The following GALNTL6 variants were observed in gnomAD, a reference collection of about 807,000 sequenced individuals.
GALNTL6 encodes polypeptide N-acetylgalactosaminyltransferase like 6.
GALNTL6 carries 46 observed loss-of-function variants against 73.7 expected under a neutral mutation model. That is an observed-to-expected ratio of 0.62 (90% confidence interval 0.49 to 0.80). GALNTL6 has a LOEUF of 0.80. GALNTL6 is among the 30% of genes least tolerant of loss of function. The probability of loss-of-function intolerance (pLI) is 0.00; values close to 1 mark genes in which losing one functional copy is unlikely to be tolerated. For missense variants in GALNTL6, 604 were observed against 755.0 expected, an observed-to-expected ratio of 0.80 and a Z score of 2.34; for synonymous variants, 259 against 263.7, an observed-to-expected ratio of 0.98 and a Z score of 0.17.
At chr4:172,849,136 A>G (rs1680649483) in intron 7 of GALNTL6, among the ~76,000 whole-genome samples, 1 of 152,122 alleles carries the variant, frequency 6.6e-6, no homozygotes, top group Non-Finnish European at 1.5e-5. Context: ...ATCTTAGTTT[A>G]TGTTATTTTA....
chr4:172,126,924 A>G (rs1455359263), intron 2 of GALNTL6, among the ~76,000 whole-genome samples: 1 of 152,160 alleles, frequency 6.6e-6, no homozygotes, highest in Admixed American at 6.5e-5. Context: ...GCCGTTGGCA[A>G]TGACCCCGCT....
At position 172,996,465 on chromosome 4, in the gene GALNTL6, T is replaced by C. The variant is rs142285452; in HGVS notation, c.1372-12713T>C. Among the ~76,000 whole-genome samples the C allele has an allele frequency of 4.7e-4, 71 of 152,152 alleles. No individual in the cohort carries two copies. In the East Asian group the frequency reaches 0.011, roughly 23 times the overall value. The stretch of plus-strand genomic sequence containing the variant: ...TAGGCTTGGTATCTGGGTGACAAAA[T>C]AATCTGTACAACAAACCCCCATGAC... On this transcript the variant is annotated intron_variant, in intron 10 of 12. Coordinates refer to ENST00000506823, the MANE Select transcript of GALNTL6 (RefSeq NM_001034845.3).
In GALNTL6 at chr4:171,959,513, T is replaced by A. The variant is rs547602373; in HGVS notation, c.138+144795T>A. 6.6e-5 allele frequency among the ~76,000 whole-genome samples: 10 copies of A among 152,188 alleles called. No homozygotes were observed. In the East Asian group the frequency reaches 1.9e-3, roughly 29 times the overall value. On this transcript the variant is annotated intron_variant, in intron 2 of 12. Transcript: ENST00000506823. ...ATATAACTTCTCTGCAGAATAAATA[T>A]TTTTAGGGGCGCTGGGGTGTCTTCT...
At chr4:171,912,633 T>C (rs1256211146) in intron 2 of GALNTL6, among the ~76,000 whole-genome samples, 1 of 152,174 alleles carries the variant, frequency 6.6e-6, no homozygotes, top group Non-Finnish European at 1.5e-5. Flanking sequence ...TGCTATATTA[T>C]TGAATACTAG....
chr4:172,788,588 C>G (rs540197311), intron 5 of GALNTL6, among the ~76,000 whole-genome samples: 1 of 148,670 alleles, frequency 6.7e-6, no homozygotes, highest in African/African-American at 2.5e-5. Flanking sequence ...AGGAGAATGC[C>G]GTGAAACCGG....
rs955649310 is a variant in GALNTL6, at chr4:172,527,579, G to A, written c.553+178890G>A. 2.0e-5 allele frequency among the ~76,000 whole-genome samples: 3 copies of A among 152,128 alleles called. No individual in the cohort carries two copies. The East Asian group carries it at 5.8e-4, about 29-fold the overall frequency. On this transcript the variant is annotated intron_variant, in intron 5 of 12. Transcript: ENST00000506823. ...AGGATGGATTGTCTATGCAGTGTCT[G>A]CCAACACATTATACCACTTTGCATA...
intron 5 of GALNTL6, among the ~76,000 whole-genome samples, chr4:172,619,167 TG>T (rs1738858268): frequency 6.6e-6 from 1 of 152,126 alleles, no homozygotes; most frequent in African/African-American, 2.4e-5. Context: ...AGACATAAAT[TG>T]GGGCCAAATT....
At chr4:172,743,391 CAA>C (rs35614387) in intron 5 of GALNTL6, among the ~76,000 whole-genome samples, 54,421 of 151,728 alleles carry the variant, frequency 0.36, 10,785 homozygotes, top group African/African-American at 0.52. Context: ...CTCAAAAATC[CAA>C]AGAGGTTCAC....
intron 2 of GALNTL6, among the ~76,000 whole-genome samples, chr4:172,018,445 G>A (rs1191535038): frequency 6.6e-6 from 1 of 152,048 alleles, no homozygotes; most frequent in African/African-American, 2.4e-5. Flanking sequence ...CCAGAGGGGA[G>A]TATGGCTGCC....
intron 3 of GALNTL6, among the ~76,000 whole-genome samples, chr4:172,282,707 G>A (rs1458624579): frequency 1.3e-5 from 2 of 149,902 alleles, no homozygotes; most frequent in Non-Finnish European, 3.0e-5. Flanking sequence ...GTAGGATTAT[G>A]TTAGAAATCA....
intron 5 of GALNTL6, among the ~76,000 whole-genome samples, chr4:172,400,053 C>T (rs980252362): frequency 1.3e-5 from 2 of 152,132 alleles, no homozygotes; most frequent in South Asian, 2.1e-4. Context: ...CACCCTTACA[C>T]CAGATTTTTC....
chr4:171,926,215 T>C (rs1238716905), intron 2 of GALNTL6, among the ~76,000 whole-genome samples: 2 of 152,176 alleles, frequency 1.3e-5, no homozygotes, highest in Non-Finnish European at 2.9e-5. Context: ...TCAAACATAC[T>C]TATTTCATCA....
At chr4:172,411,709 C>T (rs1744443457) in intron 5 of GALNTL6, among the ~76,000 whole-genome samples, 1 of 151,776 alleles carries the variant, frequency 6.6e-6, no homozygotes, top group South Asian at 2.1e-4. Flanking sequence ...AAAATCTTGG[C>T]TTAGCTGCAA....
intron 5 of GALNTL6, among the ~76,000 whole-genome samples, chr4:172,778,847 C>T (rs1295228100): frequency 1.3e-5 from 2 of 152,168 alleles, no homozygotes; most frequent in South Asian, 2.1e-4. Context: ...AGTTCAAATT[C>T]GGAAAGTCGT....
chr4:172,952,704 CG>C (rs1749520028), intron 10 of GALNTL6, among the ~76,000 whole-genome samples: 1 of 152,042 alleles, frequency 6.6e-6, no homozygotes, highest in Admixed American at 6.6e-5. Context: ...TTAGTAGAGA[CG>C]GGGTTTTGCC....
chr4:172,552,411 A>G (rs1020768851), intron 5 of GALNTL6, among the ~76,000 whole-genome samples: 13 of 152,020 alleles, frequency 8.6e-5, no homozygotes, highest in African/African-American at 2.9e-4. Context: ...GCAAATATAT[A>G]TTTTTTCTGC....
At chr4:172,307,674 G>A (rs1740191691) in intron 3 of GALNTL6, among the ~76,000 whole-genome samples, 1 of 152,058 alleles carries the variant, frequency 6.6e-6, no homozygotes, top group Admixed American at 6.6e-5. Context: ...GTAAGTATTT[G>A]CCTTTATTTC....
chr4:172,194,619 G>C (rs1735693509), intron 2 of GALNTL6, among the ~76,000 whole-genome samples: 2 of 152,230 alleles, frequency 1.3e-5, no homozygotes, highest in South Asian at 4.1e-4. Context: ...CTAGAAGCCA[G>C]AAGAGATTGG....
intron 5 of GALNTL6, among the ~76,000 whole-genome samples, chr4:172,705,562 G>T (rs1734298641): frequency 6.6e-6 from 1 of 150,996 alleles, no homozygotes. Context: ...ATTTTCTCTG[G>T]GTATTTACTT....
Sources: gnomAD v4.1 joint callset for allele counts (sites outside exome capture counted in the v4.1 genomes callset) on GRCh38, gnomAD v4.1.1 for gene constraint, MANE v1.5 for transcripts, NCBI Gene and HGNC (gene_info 2026-07-23, HGNC 2026-07-21) for gene names.